The following ZNF549 variants were observed in gnomAD, a reference collection of about 807,000 sequenced individuals.
The protein encoded by ZNF549 is zinc finger protein 549.
ZNF549 carries 11 observed loss-of-function variants against 11.1 expected under a neutral mutation model. The ratio of observed to expected loss-of-function variants is 0.99; its 90% CI spans 0.62 to 1.64. The LOEUF (loss-of-function observed/expected upper bound fraction) is 1.64, where lower values mean the gene tolerates loss of function less well. Ranked by LOEUF, ZNF549 falls within the 40% of genes most tolerant of loss-of-function variation. The probability of loss-of-function intolerance (pLI) is 0.00; values close to 1 mark genes in which losing one functional copy is unlikely to be tolerated. For synonymous variants in ZNF549, 266 were observed against 269.1 expected (o/e 0.99, Z 0.11); for missense variants, 748 against 765.1 (o/e 0.98, Z 0.26).
chr19:57,533,412 T>C (rs574027126), intron 2 of ZNF549, among the ~76,000 whole-genome samples: 5 of 152,230 alleles, frequency 3.3e-5, no homozygotes, highest in Non-Finnish European at 7.3e-5. Context: ...CTCTGCAGGT[T>C]AGGCTCTGAT....
rs760910918 is a variant in ZNF549, at chr19:57,531,063, C to T, written c.34-7C>T. Reference sequence around the variant, plus strand: ...ACCTGTATTTCATAGCCTCCCTCTTCCTACAGATTCCCATGGTAACAGAAG... The same window carrying T: ...ACCTGTATTTCATAGCCTCCCTCTTTCTACAGATTCCCATGGTAACAGAAG... On this transcript the variant is annotated splice_region_variant and splice_polypyrimidine_tract_variant and intron_variant, in intron 1 of 3. Transcript: ENST00000376233. The T allele has an allele frequency of 6.9e-5, 111 of 1,598,214 alleles. No individual in the cohort carries two copies. Among genetic ancestry groups the T allele is most frequent in the Non-Finnish European group, 9.0e-5 (106 of 1,179,784 alleles).
chr19:57,531,377 T>C (rs930535461), intron 2 of ZNF549, among the ~76,000 whole-genome samples: 9 of 152,180 alleles, frequency 5.9e-5, no homozygotes, highest in African/African-American at 2.2e-4. Context: ...GATATGGGCA[T>C]ATATAGGGAA....
In ZNF549 at chr19:57,538,499, A is replaced by G; in HGVS notation, c.1495A>G (p.Arg499Gly). 1 of 1,614,210 alleles carries G rather than the reference A, an allele frequency of 6.2e-7. No individual in the cohort carries two copies. The highest frequency in any genetic ancestry group is 8.5e-7 in the Non-Finnish European group (1 of 1,180,030). ...LKHHKIHTRE[R>G]PYECSECGKG... The stretch of plus-strand genomic sequence containing the variant: ...GCATCACAAAATCCACACTAGAGAA[A>G]GGCCTTATGAATGCAGTGAATGTGG... Residue 499 changes from arginine (R) to glycine (G), a missense_variant, in exon 4 of 4, where the codon AGG becomes GGG. Physicochemically the swap from Arg to Gly is moderately radical, Grantham distance 125 (BLOSUM62 -2). Coordinates refer to ENST00000376233, the MANE Select transcript of ZNF549 (RefSeq NM_001199295.2).
At chr19:57,535,056 C>A (rs1192970626) in intron 2 of ZNF549, 88 bp from the exon 3 acceptor site, 2 of 1,540,302 alleles carry the variant, frequency 1.3e-6, no homozygotes, top group Non-Finnish European at 1.8e-6. Flanking sequence ...GGTATCTCCT[C>A]TGAGTTGGAG....
At chr19:57,531,000 G>T in intron 1 of ZNF549, 70 bp from the exon 2 acceptor site, 1 of 1,489,054 alleles carries the variant, frequency 6.7e-7, no homozygotes, top group South Asian at 1.1e-5. Context: ...CACACAGTTG[G>T]CAAGAGCAAC....
intron 2 of ZNF549, among the ~76,000 whole-genome samples, chr19:57,533,425 A>G (rs1395586701): frequency 6.6e-6 from 1 of 152,180 alleles, no homozygotes; most frequent in Non-Finnish European, 1.5e-5. Context: ...GCTCTGATTA[A>G]CTGTTGTCTC....
chr19:57,538,724 C>G lies in ZNF549; in HGVS notation c.1720C>G (p.Gln574Glu). 1 of 1,614,160 alleles carries G rather than the reference C, an allele frequency of 6.2e-7. No homozygotes were observed. The highest frequency in any genetic ancestry group is 1.1e-5 in the South Asian group (1 of 91,072). ...CTTTAGACACCGCACCAGCCTCATTCAACACCAGAAAGTTCACAGTGGAGA... is the reference window on the plus strand; with the variant it reads ...CTTTAGACACCGCACCAGCCTCATTGAACACCAGAAAGTTCACAGTGGAGA... ...KCFRHRTSLI[Q>E]HQKVHSGERP... The change falls in exon 4 of 4, where the codon CAA becomes GAA. Residue 574 changes from glutamine to glutamate, a missense_variant. Physicochemically the swap from Gln to Glu is conservative, Grantham distance 29. Coordinates refer to ENST00000376233, the MANE Select transcript of ZNF549 (RefSeq NM_001199295.2).
rs996740705 is a variant in ZNF549, at chr19:57,540,550, A to C, written c.*1623A>C. Reference sequence around the variant, plus strand: ...CAAGGCAGGTGGATCACCTGAGGTCAGGAGTTTGAGACCAGCCTGACCAAC... The same window carrying C: ...CAAGGCAGGTGGATCACCTGAGGTCCGGAGTTTGAGACCAGCCTGACCAAC... On this transcript the variant is annotated 3_prime_UTR_variant, in exon 4 of 4. Coordinates refer to ENST00000376233, the MANE Select transcript of ZNF549 (RefSeq NM_001199295.2). 1.3e-5 allele frequency: 2 copies of C among 152,142 alleles called. No homozygotes were observed. The highest frequency in any genetic ancestry group is 4.8e-5 in the African/African-American group (2 of 41,424). 9.4% of individuals were successfully genotyped at this position (152,142 alleles called of 1,614,324 possible).
At chr19:57,532,004 G>T (rs376139675) in intron 2 of ZNF549, among the ~76,000 whole-genome samples, 7 of 152,288 alleles carry the variant, frequency 4.6e-5, no homozygotes, top group Admixed American at 2.6e-4. Flanking sequence ...CGCTTCGACT[G>T]CATCTCACAA....
chr19:57,538,142 CAG>C lies in ZNF549; in HGVS notation c.1143_1144del (p.Arg381SerfsTer12), dbSNP rs773189898. 232 of 1,614,034 alleles carry C rather than the reference CAG, an allele frequency of 1.4e-4. No individual in the cohort carries two copies. Among genetic ancestry groups the C allele is most frequent in the Non-Finnish European group, 1.9e-4 (223 of 1,180,032 alleles). ...FIHSYDRIRH[Q>X]RVHTGEGAYQ... ...TCATTCCTATGACCGCATTCGACAC[CAG>C]AGAGTTCACACTGGAGAAGGGGCTT... On this transcript the variant is annotated frameshift_variant, in exon 4 of 4. Coordinates refer to ENST00000376233, the MANE Select transcript of ZNF549 (RefSeq NM_001199295.2). LOFTEE classifies it low-confidence loss of function (END_TRUNC).
At chr19:57,535,432 T>C (rs1024089906) in intron 3 of ZNF549, 162 bp downstream of exon 3, 11 of 1,016,166 alleles carry the variant, frequency 1.1e-5, no homozygotes, top group Non-Finnish European at 1.6e-5. Flanking sequence ...GGCCTGGGTT[T>C]TTTCTGCCCC....
chr19:57,527,607 G>T lies in ZNF549; in HGVS notation c.33+1G>T. The T allele has an allele frequency of 6.2e-7, 1 of 1,613,682 alleles. No homozygotes were observed. Among genetic ancestry groups the T allele is most frequent in the Non-Finnish European group, 8.5e-7 (1 of 1,179,926 alleles). On this transcript the variant is annotated splice_donor_variant, in intron 1 of 3. Coordinates refer to ENST00000376233, the MANE Select transcript of ZNF549 (RefSeq NM_001199295.2). LOFTEE classifies it high-confidence loss of function. ...GGCAGCGCTAGTGATTACGCCGCAG[G>T]TGAGAGCGGAGTCCTCGGATCCTCA...
intron 3 of ZNF549, among the ~76,000 whole-genome samples, chr19:57,535,630 T>C (rs925505581): frequency 1.3e-5 from 2 of 152,184 alleles, no homozygotes; most frequent in Non-Finnish European, 2.9e-5. Flanking sequence ...TCTCAGGAAT[T>C]ACAGGTACTT....
In ZNF549 at chr19:57,535,320, C is replaced by A. The variant is rs745914091; in HGVS notation, c.199+50C>A. 3.5e-5 allele frequency: 55 copies of A among 1,560,644 alleles called. No individual in the cohort carries two copies. In the East Asian group the frequency reaches 1.2e-3, roughly 35 times the overall value. On this transcript the variant is annotated intron_variant, in intron 3 of 3. Coordinates refer to ENST00000376233, the MANE Select transcript of ZNF549 (RefSeq NM_001199295.2). ...TCAACCTCTGCTGGACTCTGCTCTT[C>A]CCCTTTTTCCAGGAGTTTCCTGTCT...
At chr19:57,535,530 T>C (rs1266022986) in intron 3 of ZNF549, 3 of 465,652 alleles carry the variant, frequency 6.4e-6, no homozygotes, top group East Asian at 6.0e-5. Context: ...GTTTTGCCAC[T>C]CCTTGCTAAG....
chr19:57,535,218 G>A lies in ZNF549; in HGVS notation c.147G>A (p.Arg49=), dbSNP rs536597943. ...GGGGCCTCCTTGATGAAGCTCAAAG[G>A]TGCCTGTATCATGATGTGATGCTGG... ...EEWGLLDEAQ[R]CLYHDVMLEN... The change falls in exon 3 of 4, where the codon AGG becomes AGA. Residue 49 remains arginine (R), a synonymous_variant. Transcript: ENST00000376233. The A allele has an allele frequency of 2.5e-5, 40 of 1,614,086 alleles. 1 individual carries two copies. The South Asian group carries it at 3.5e-4, about 14-fold the overall frequency.
chr19:57,532,012 C>T (rs1197223543), intron 2 of ZNF549, among the ~76,000 whole-genome samples: 1 of 152,216 alleles, frequency 6.6e-6, no homozygotes, highest in African/African-American at 2.4e-5. Context: ...CTGCATCTCA[C>T]AAATTCTAAG....
chr19:57,535,140 G>T lies in ZNF549; in HGVS notation c.73-4G>T, dbSNP rs374656580. 6.8e-6 allele frequency: 11 copies of T among 1,613,554 alleles called. No individual in the cohort carries two copies. Among genetic ancestry groups the T allele is most frequent in the Admixed American group, 1.7e-5 (1 of 59,946 alleles). On this transcript the variant is annotated splice_region_variant and splice_polypyrimidine_tract_variant and intron_variant, in intron 2 of 3. Transcript: ENST00000376233. ...TCATGATTTCATCTGCCCCCATCAT[G>T]CAGGGCCATGTGACCTTTGAGGATA...
At position 57,539,329 on chromosome 19, in the gene ZNF549, G is replaced by T; in HGVS notation, c.*402G>T. On this transcript the variant is annotated 3_prime_UTR_variant, in exon 4 of 4. Coordinates refer to ENST00000376233, the MANE Select transcript of ZNF549 (RefSeq NM_001199295.2). The stretch of plus-strand genomic sequence containing the variant: ...AATCTGGATTCTTGTAGCCCATGGA[G>T]GTTTACCTTCTTCATAGGTTTTTTT... 6.2e-6 allele frequency: 1 copy of T among 161,840 alleles called. No individual in the cohort carries two copies. Among genetic ancestry groups the T allele is most frequent in the Admixed American group, 5.9e-5 (1 of 17,016 alleles). The allele number at this position is 161,840 out of a possible 1,614,324, so 10.0% of individuals were successfully genotyped here.
Sources: gnomAD v4.1 joint callset for allele counts (sites outside exome capture counted in the v4.1 genomes callset) on GRCh38, gnomAD v4.1.1 for gene constraint, MANE v1.5 for transcripts, NCBI Gene and HGNC (gene_info 2026-07-23, HGNC 2026-07-21) for gene names.